The following SYNE1 variants were observed in gnomAD, a reference collection of about 807,000 sequenced individuals.
The protein encoded by SYNE1 is nesprin-1.
In SYNE1, 616 loss-of-function variants were observed where a neutral mutation model predicts 1,111.0. That is an observed-to-expected ratio of 0.55 (90% CI 0.52 to 0.59). SYNE1 has a LOEUF of 0.59. Among genes scored for constraint, SYNE1 ranks in the 20% least tolerant of loss-of-function variants. SYNE1 has a pLI of 0.00. For synonymous variants in SYNE1, 3,855 were observed against 3,825.8 expected (o/e 1.01, Z -0.28); for missense variants, 10,006 against 10,417.0 (o/e 0.96, Z 1.72).
chr6:152,523,535 G>A (rs1160548573), intron 5 of SYNE1, among the ~76,000 whole-genome samples: 1 of 151,788 alleles, frequency 6.6e-6, no homozygotes, highest in Admixed American at 6.6e-5. Context: ...ACCTATTTGG[G>A]GTCTTTTTTG....
At chr6:152,318,414 G>A (rs757999590) in intron 85 of SYNE1, 151 bp from the exon 86 acceptor site, 27 of 866,226 alleles carry the variant, frequency 3.1e-5, no homozygotes, top group Non-Finnish European at 4.4e-5. Context: ...TTGTTTCTTC[G>A]GTTGGAAAGG....
intron 20 of SYNE1, 144 bp downstream of exon 20, chr6:152,462,594 G>A: frequency 1.2e-6 from 1 of 842,138 alleles, no homozygotes; most frequent in Non-Finnish European, 1.9e-6. Context: ...ATTTTTTTCT[G>A]ACAGGTGCAA....
At chr6:152,433,082 C>T (rs1169735639) in intron 34 of SYNE1, among the ~76,000 whole-genome samples, 1 of 150,862 alleles carries the variant, frequency 6.6e-6, no homozygotes, top group Non-Finnish European at 1.5e-5. Context: ...AGAGGGTTTT[C>T]CCATTCCAAA....
At chr6:152,347,813 T>C (rs533437526) in intron 72 of SYNE1, among the ~76,000 whole-genome samples, 6 of 151,270 alleles carry the variant, frequency 4.0e-5, no homozygotes, top group Non-Finnish European at 7.4e-5. Context: ...CCTGAGTAGG[T>C]GGGATCACAG....
intron 14 of SYNE1, among the ~76,000 whole-genome samples, chr6:152,475,138 A>C (rs1273943741): frequency 6.6e-6 from 1 of 152,214 alleles, no homozygotes; most frequent in African/African-American, 2.4e-5. Context: ...GTTAAAATTA[A>C]TAAAATGGAA....
chr6:152,540,842 C>A (rs1195090368), intron 3 of SYNE1, among the ~76,000 whole-genome samples: 4 of 152,142 alleles, frequency 2.6e-5, no homozygotes, highest in African/African-American at 4.8e-5. Context: ...AGTAAGACAC[C>A]AGGCCCTTGT....
intron 105 of SYNE1, 44 bp from the exon 106 acceptor site, chr6:152,244,700 T>C: frequency 6.2e-7 from 1 of 1,612,370 alleles, no homozygotes. Context: ...CCATGAACAA[T>C]TTCCCCACGG....
chr6:152,323,500 C>T lies in SYNE1; in HGVS notation c.15895G>A (p.Ala5299Thr), dbSNP rs780728291. ...EEPPLMQEIT[A>T]MQDRCLNMQE... ...TACTTCAGGCACCGATCTTGCATGG[C>T]GGTGATTTCCTGCATGAGCGGAGGC... Residue 5299 changes from alanine (A) to threonine (T), a missense_variant, in exon 82 of 146, where the codon GCC becomes ACC. Coordinates refer to ENST00000367255, the MANE Select transcript of SYNE1 (RefSeq NM_182961.4). 7 of 1,614,008 alleles carry T rather than the reference C, an allele frequency of 4.3e-6. No individual in the cohort carries two copies. Among genetic ancestry groups the T allele is most frequent in the Middle Eastern group, 1.6e-4 (1 of 6,062 alleles).
At chr6:152,441,453 C>T (rs1340419683) in intron 31 of SYNE1, among the ~76,000 whole-genome samples, 183 bp from the exon 32 acceptor site, 1 of 152,064 alleles carries the variant, frequency 6.6e-6, no homozygotes, top group Non-Finnish European at 1.5e-5. Context: ...TTAATGTTTT[C>T]ATCTACAAAA....
intron 127 of SYNE1, among the ~76,000 whole-genome samples, chr6:152,191,726 G>T (rs1332191903): frequency 6.6e-6 from 1 of 151,612 alleles, no homozygotes; most frequent in Non-Finnish European, 1.5e-5. Context: ...CTTTTGTATT[G>T]TTTTCTTCAT....
At chr6:152,447,652 C>T in intron 28 of SYNE1, 30 bp from the exon 29 acceptor site, 1 of 1,613,828 alleles carries the variant, frequency 6.2e-7, no homozygotes, top group South Asian at 1.1e-5. Flanking sequence ...TTGATGAACA[C>T]AGTGCAATTG....
chr6:152,170,157 T>C (rs889539485), intron 130 of SYNE1, among the ~76,000 whole-genome samples: 2 of 152,190 alleles, frequency 1.3e-5, no homozygotes, highest in South Asian at 4.1e-4. Flanking sequence ...ATGCTTATTA[T>C]TGTTAGCATA....
At chr6:152,448,729 C>A (rs2098617603) in intron 28 of SYNE1, among the ~76,000 whole-genome samples, 1 of 152,054 alleles carries the variant, frequency 6.6e-6, no homozygotes, top group Admixed American at 6.6e-5. Context: ...ACAGTCCCAG[C>A]TACTCAAGAG....
intron 61 of SYNE1, 22 bp downstream of exon 61, chr6:152,368,950 C>A: frequency 6.2e-7 from 1 of 1,614,128 alleles, no homozygotes; most frequent in South Asian, 1.1e-5. Context: ...CACACTCACA[C>A]ACAGCACGTG....
At chr6:152,558,204 A>G (rs1291101991) in intron 3 of SYNE1, among the ~76,000 whole-genome samples, 1 of 152,202 alleles carries the variant, frequency 6.6e-6, no homozygotes, top group Non-Finnish European at 1.5e-5. Flanking sequence ...AAGTAGATAC[A>G]TAAAGATAAA....
Position 152,376,496 on chromosome 6 carries a change from C to T in SYNE1, c.9209G>A (p.Arg3070Gln), listed in dbSNP as rs768750489. 19 of 1,613,982 alleles carry T rather than the reference C, an allele frequency of 1.2e-5. No homozygotes were observed. Among genetic ancestry groups the T allele is most frequent in the Admixed American group, 1.2e-4 (7 of 59,992 alleles). Reference sequence around the variant, plus strand: ...CTGCTGGAAATCCCTGAAGGCCTTTCGAAATCTTTGCTGTAAAATCTGTTC... The same window carrying T: ...CTGCTGGAAATCCCTGAAGGCCTTTTGAAATCTTTGCTGTAAAATCTGTTC... The part of the protein sequence containing the change: ...NKEQILQQRF[R>Q]KAFRDFQQWL... The change falls in exon 58 of 146, where the codon CGA becomes CAA. Residue 3070 changes from arginine (R) to glutamine (Q), a missense_variant. Transcript: ENST00000367255.
At position 152,462,903 on chromosome 6, in the gene SYNE1, G is replaced by T; in HGVS notation, c.2098-13C>A. 6.2e-7 allele frequency: 1 copy of T among 1,613,672 alleles called. No individual in the cohort carries two copies. On this transcript the variant is annotated splice_polypyrimidine_tract_variant and intron_variant, in intron 19 of 145. Transcript: ENST00000367255. ...CAGCTTGAGCATACTGTTAAGGAAA[G>T]GGAGGAGGGAACATCGTGAAAGCCA...
At chr6:152,129,775 C>T (rs902286306) in intron 145 of SYNE1, among the ~76,000 whole-genome samples, 2 of 152,184 alleles carry the variant, frequency 1.3e-5, no homozygotes. Context: ...TCTACATTTC[C>T]TCATCCCCAC....
At chr6:152,269,115 G>A (rs2092983768) in intron 99 of SYNE1, 40 bp downstream of exon 99, 1 of 1,613,740 alleles carries the variant, frequency 6.2e-7, no homozygotes, top group Non-Finnish European at 8.5e-7. Context: ...TTCTTCTCTG[G>A]GCAGATCTGC....
Sources: gnomAD v4.1 joint callset for allele counts (sites outside exome capture counted in the v4.1 genomes callset) on GRCh38, gnomAD v4.1.1 for gene constraint, MANE v1.5 for transcripts, NCBI Gene and HGNC (gene_info 2026-07-23, HGNC 2026-07-21) for gene names.